Variants in PUM1 observed in about 807,000 individuals in gnomAD.
PUM1 encodes the protein pumilio RNA binding family member 1.
Under a neutral mutation model 131.8 loss-of-function variants are expected in PUM1, and 13 were observed. That is an observed-to-expected ratio of 0.10 (90% CI 0.06 to 0.16). The LOEUF (loss-of-function observed/expected upper bound fraction) is 0.16. PUM1 is among the 10% of genes least tolerant of loss of function. PUM1 has a pLI of 1.00. For synonymous variants in PUM1, 509 were observed against 556.5 expected, an observed-to-expected ratio of 0.91 and a Z score of 1.20; for missense variants, 961 against 1,512.4, an observed-to-expected ratio of 0.64 and a Z score of 6.05.
intron 1 of PUM1, 146 bp downstream of exon 1, chr1:31,065,470 G>A (rs1644463547): frequency 3.0e-5 from 24 of 799,720 alleles, no homozygotes; most frequent in Non-Finnish European, 4.3e-5. Context: ...GAGGAACAGC[G>A]AGTGAGAAGC....
At chr1:30,949,625 C>A (rs1193645095) in intron 17 of PUM1, among the ~76,000 whole-genome samples, 3 of 151,968 alleles carry the variant, frequency 2.0e-5, no homozygotes, top group African/African-American at 7.3e-5. Flanking sequence ...ACTCTGTGGG[C>A]AGGGATCAGG....
chr1:30,989,901 A>C (rs1047122669), intron 7 of PUM1, among the ~76,000 whole-genome samples: 1 of 152,208 alleles, frequency 6.6e-6, no homozygotes, highest in African/African-American at 2.4e-5. Context: ...TACAAAACTG[A>C]GTGTCAGAGA....
At chr1:31,038,984 A>ATATATATATATATATATATATTTTTTTT in intron 2 of PUM1, among the ~76,000 whole-genome samples, 3 of 49,408 alleles carry the variant, frequency 6.1e-5, no homozygotes, top group Non-Finnish European at 9.2e-5. Context: ...ATATATATAT[A>ATATATATATATATATATATATTTTTTTT]TTTTTTTTTT....
intron 1 of PUM1, among the ~76,000 whole-genome samples, chr1:31,064,025 A>G (rs1644426298): frequency 6.6e-6 from 1 of 152,188 alleles, no homozygotes; most frequent in South Asian, 2.1e-4. Flanking sequence ...ACACCTTATA[A>G]GTACTTTAAG....
chr1:31,033,453 C>A (rs1017493984), intron 2 of PUM1, among the ~76,000 whole-genome samples: 4 of 142,708 alleles, frequency 2.8e-5, no homozygotes, highest in Non-Finnish European at 1.5e-5. Context: ...ACTGCAGTGG[C>A]GCAATCTCGG....
intron 7 of PUM1, among the ~76,000 whole-genome samples, chr1:30,989,370 G>A (rs1003397100): frequency 2.0e-5 from 3 of 151,910 alleles, no homozygotes; most frequent in Non-Finnish European, 2.9e-5. Flanking sequence ...TCAGGAGTTC[G>A]AAACCAGCCT....
chr1:31,016,136 C>T (rs1642809984), intron 3 of PUM1, among the ~76,000 whole-genome samples: 1 of 152,158 alleles, frequency 6.6e-6, no homozygotes, highest in Non-Finnish European at 1.5e-5. Context: ...TTTTTGATTG[C>T]CAATGTGACA....
Position 30,974,684 on chromosome 1 carries a change from C to G in PUM1, c.1473G>C (p.Gln491His). 5 of 1,609,920 alleles carry G rather than the reference C, an allele frequency of 3.1e-6. No individual in the cohort carries two copies. Among genetic ancestry groups the G allele is most frequent in the South Asian group, 1.1e-5 (1 of 90,248 alleles). Reference protein sequence around the residue: ...AAAATNSANQQTTPQAQQGQQ... With the variant: ...AAAATNSANQHTTPQAQQGQQ... ...GTCCTTGCTGAGCCTGTGGGGTGGT[C>G]TGTTGATTAGCTGAATTAGTTGCTG... Residue 491 changes from glutamine (Q) to histidine (H), a missense_variant, in exon 10 of 22, where the codon CAG becomes CAC. Transcript: ENST00000426105.
intron 3 of PUM1, among the ~76,000 whole-genome samples, chr1:31,025,463 A>C (rs1484280394): frequency 6.6e-6 from 1 of 152,084 alleles, no homozygotes; most frequent in East Asian, 1.9e-4. Flanking sequence ...CAAATAACTC[A>C]AACGAAGATA....
intron 10 of PUM1, among the ~76,000 whole-genome samples, chr1:30,969,903 T>G (rs1196353531): frequency 2.0e-5 from 3 of 152,216 alleles, no homozygotes; most frequent in Non-Finnish European, 4.4e-5. Context: ...GCACAAGCAA[T>G]CCACCTGCCT....
intron 1 of PUM1, among the ~76,000 whole-genome samples, 192 bp downstream of exon 1, chr1:31,065,424 C>G (rs1482582021): frequency 1.4e-5 from 2 of 148,074 alleles, no homozygotes; most frequent in East Asian, 4.0e-4. Flanking sequence ...CCTTTGATAA[C>G]AATAGGGGCC....
intron 18 of PUM1, 85 bp from the exon 19 acceptor site, chr1:30,942,208 T>TAC: frequency 1.0e-5 from 1 of 95,658 alleles, no homozygotes; most frequent in East Asian, 3.3e-4. Context: ...TATATATATA[T>TAC]ATATATATAT....
intron 2 of PUM1, among the ~76,000 whole-genome samples, chr1:31,038,980 ATATATTTTTT>A (rs1201204980): frequency 1.4e-4 from 4 of 29,602 alleles, no homozygotes; most frequent in Admixed American, 1.1e-3. Flanking sequence ...ATATATATAT[ATATATTTTTT>A]TTTTTTTTTT....
At chr1:31,018,975 T>C (rs1306005263) in intron 3 of PUM1, among the ~76,000 whole-genome samples, 1 of 152,236 alleles carries the variant, frequency 6.6e-6, no homozygotes, top group African/African-American at 2.4e-5. Context: ...GAGGCTGCCC[T>C]GAAGATCCTC....
chr1:30,955,197 T>A (rs1244686107), intron 14 of PUM1, among the ~76,000 whole-genome samples: 1 of 151,700 alleles, frequency 6.6e-6, no homozygotes, highest in Non-Finnish European at 1.5e-5. Context: ...GGCTCATGCC[T>A]GTAATCCTGA....
chr1:31,037,922 C>CA lies in PUM1; in HGVS notation c.364-9059dup, dbSNP rs1323015914. Among the ~76,000 whole-genome samples, 8 of 149,790 alleles carry CA rather than the reference C, an allele frequency of 5.3e-5. 1 individual carries two copies. In the South Asian group the frequency reaches 1.7e-3, roughly 32 times the overall value. On this transcript the variant is annotated intron_variant, in intron 2 of 21. Transcript: ENST00000426105. ...GAAACCCCGTCTCTACTAAAAAATA[C>CA]AAAAAAATTAGCCAGGCGTGGTGGC...
At chr1:30,962,663 C>T (rs61778254) in intron 14 of PUM1, among the ~76,000 whole-genome samples, 10,910 of 152,188 alleles carry the variant, frequency 0.072, 650 homozygotes, top group East Asian at 0.28. Flanking sequence ...CTGCCCACCT[C>T]GGCCTCCCAA....
intron 2 of PUM1, among the ~76,000 whole-genome samples, chr1:31,047,181 C>T (rs1050946856): frequency 2.6e-5 from 4 of 151,956 alleles, no homozygotes; most frequent in African/African-American, 9.7e-5. Flanking sequence ...AGATAGAGAC[C>T]CAATCTCAAA....
intron 8 of PUM1, among the ~76,000 whole-genome samples, chr1:30,980,900 A>G (rs1327844316): frequency 6.6e-6 from 1 of 152,182 alleles, no homozygotes; most frequent in Non-Finnish European, 1.5e-5. Context: ...ATACTTTTAA[A>G]TTTTTTCAAT....
Sources: allele counts gnomAD v4.1 joint callset (sites outside exome capture counted in the v4.1 genomes callset), GRCh38; gene constraint gnomAD v4.1.1; transcripts MANE v1.5; gene names NCBI Gene and HGNC (gene_info 2026-07-23, HGNC 2026-07-21).